ADPRHL1: variants seen among roughly 807,000 people sequenced by gnomAD.
The protein encoded by ADPRHL1 is inactive ADP-ribosyltransferase ARH2.
Under a neutral mutation model 44.1 loss-of-function variants are expected in ADPRHL1, and 43 were observed. The ratio of observed to expected loss-of-function variants is 0.98; its 90% confidence interval spans 0.76 to 1.26. The LOEUF (loss-of-function observed/expected upper bound fraction) is 1.26. ADPRHL1 is among the 50% of genes most tolerant of loss of function. The probability of loss-of-function intolerance (pLI) is 0.00; values close to 1 mark genes in which losing one functional copy is unlikely to be tolerated. For synonymous variants in ADPRHL1, 878 were observed against 1,017.4 expected, an observed-to-expected ratio of 0.86 and a Z score of 2.61; for missense variants, 2,022 against 2,496.9, an observed-to-expected ratio of 0.81 and a Z score of 4.05.
chr13:113,409,696 A>T lies in ADPRHL1; in HGVS notation c.1062-1476T>A. On this transcript the variant is annotated intron_variant, in intron 7 of 7. Coordinates refer to ENST00000612156, the MANE Select transcript of ADPRHL1 (RefSeq NM_001394807.1). This position sits in a 1 kb window ranked among gnomAD's most constrained non-coding sequence, Gnocchi z 4.2. ...GGTCAGGAGATCGAGACCATCCTGG[A>T]TAACACGGTGAAACCCCGTCTCTAC... is the stretch of plus-strand genomic sequence containing the variant. The T allele has an allele frequency of 9.9e-6, 8 of 807,258 alleles. No homozygotes were observed. Among genetic ancestry groups the T allele is most frequent in the Non-Finnish European group, 1.2e-5 (8 of 667,600 alleles). 50.0% of individuals were successfully genotyped at this position (807,258 alleles called of 1,614,324 possible). A position where few individuals can be genotyped will look rare whatever the true frequency, so the allele number is the denominator to read the frequency against.
At chr13:113,438,323 T>C (rs962670267) in intron 2 of ADPRHL1, among the ~76,000 whole-genome samples, 1 of 152,204 alleles carries the variant, frequency 6.6e-6, no homozygotes, top group African/African-American at 2.4e-5. Context: ...TGACGGAAGA[T>C]GGTGAGCATG....
chr13:113,432,547 G>C (rs1376978173), intron 3 of ADPRHL1, among the ~76,000 whole-genome samples: 1 of 152,202 alleles, frequency 6.6e-6, no homozygotes, highest in Non-Finnish European at 1.5e-5. Flanking sequence ...GTTGGGTCAC[G>C]TGCCTTCCCT....
chr13:113,445,197 C>T (rs1282448578), intron 1 of ADPRHL1, among the ~76,000 whole-genome samples: 1 of 152,268 alleles, frequency 6.6e-6, no homozygotes, highest in Non-Finnish European at 1.5e-5. Flanking sequence ...GACACCAGCC[C>T]TATGCCCAGC....
Position 113,444,430 on chromosome 13 carries a change from T to G in ADPRHL1, c.374A>C (p.Glu125Ala). 1 of 1,613,778 alleles carries G rather than the reference T, an allele frequency of 6.2e-7. No homozygotes were observed. Residue 125 changes from glutamate (E) to alanine (A), a missense_variant, in exon 2 of 8, where the codon GAA (glutamate) becomes GCA (alanine). This residue lies in a region of ADPRHL1 where 437 missense variants were observed against 430.7 expected (regional missense o/e 1.01). Transcript: ENST00000612156. ...YLLAWHTPFN[E>A]KGSGFGAATK... Reference sequence around the variant, plus strand: ...GAGGAGAGGATTTCCCTGACCTTTTTCATTGAACGGTGTGTGCCAGGCGAG... The same window carrying G: ...GAGGAGAGGATTTCCCTGACCTTTTGCATTGAACGGTGTGTGCCAGGCGAG...
chr13:113,403,578 C>A lies in ADPRHL1; in HGVS notation c.5704G>T (p.Ala1902Ser). The A allele has an allele frequency of 1.6e-6, 2 of 1,231,734 alleles. No individual in the cohort carries two copies. Among genetic ancestry groups the A allele is most frequent in the Non-Finnish European group, 2.0e-6 (2 of 987,950 alleles). 76.3% of individuals were successfully genotyped at this position (1,231,734 alleles called of 1,614,324 possible). The change falls in exon 8 of 8, where the codon GCC becomes TCC. Residue 1902 changes from alanine to serine, a missense_variant. Physicochemically the swap from Ala to Ser is moderately conservative, Grantham distance 99. Coordinates refer to ENST00000612156, the MANE Select transcript of ADPRHL1 (RefSeq NM_001394807.1). ...AGGCGTPQAP[A>S]QEGSPDHPGA... ...GGGTGGTCTGGGGACCCCTCCTGGG[C>A]CGGGGCCTGGGGAGTCCCGCAGCCC...
At chr13:113,450,992 T>C (rs2044175336) in intron 1 of ADPRHL1, among the ~76,000 whole-genome samples, 1 of 148,798 alleles carries the variant, frequency 6.7e-6, no homozygotes, top group South Asian at 2.3e-4. Flanking sequence ...GCAGGTGTTG[T>C]TCCTTGCCAC....
In ADPRHL1 at chr13:113,447,195, C is replaced by T. The variant is rs571208112; in HGVS notation, c.215-2606G>A. On this transcript the variant is annotated intron_variant, in intron 1 of 7. Transcript: ENST00000612156. ...TGTGTGTGCATGGCGTCTACACGCACGGTGTTGTGTGTGCATGGCGTCTAC... is the reference window on the plus strand; with the variant it reads ...TGTGTGTGCATGGCGTCTACACGCATGGTGTTGTGTGTGCATGGCGTCTAC... Among the ~76,000 whole-genome samples the T allele has an allele frequency of 2.2e-4, 28 of 129,764 alleles. No individual in the cohort carries two copies. In the East Asian group the frequency reaches 2.4e-3, roughly 11 times the overall value. The allele number at this position is 129,764 out of a possible 152,430, so 85.1% of individuals were successfully genotyped here. A position where few individuals can be genotyped will look rare whatever the true frequency, so the allele number is the denominator to read the frequency against.
intron 3 of ADPRHL1, among the ~76,000 whole-genome samples, chr13:113,432,137 T>C (rs76624100): frequency 6.6e-6 from 1 of 150,710 alleles, no homozygotes; most frequent in Non-Finnish European, 1.5e-5. Context: ...TTTTTTTTTG[T>C]TTTTGAGATA....
At position 113,453,218 on chromosome 13, in the gene ADPRHL1, GCCTA is replaced by G; in HGVS notation, c.214+2_214+5del. 6.2e-7 allele frequency: 1 copy of G among 1,614,020 alleles called. No individual in the cohort carries two copies. Reference sequence around the variant, plus strand: ...CGCACACCGGAGCGCGGTGGGCCCAGCCTACCTGTGGTGAGGGCCTCGGCGGTTG... The same window carrying G: ...CGCACACCGGAGCGCGGTGGGCCCAGCCTGTGGTGAGGGCCTCGGCGGTTG... On this transcript the variant is annotated splice_donor_variant and splice_donor_5th_base_variant and intron_variant, in intron 1 of 7. Transcript: ENST00000612156. LOFTEE classifies it high-confidence loss of function. This position sits in a 1 kb window ranked among gnomAD's most constrained non-coding sequence, Gnocchi z 5.4.
chr13:113,422,155 C>G (rs2043928777), intron 7 of ADPRHL1: 1 of 152,264 alleles, frequency 6.6e-6, no homozygotes, highest in African/African-American at 2.4e-5. Flanking sequence ...CTAAGGCAGA[C>G]CACAGAGAGA....
At chr13:113,413,241 C>T (rs1485014187) in intron 7 of ADPRHL1, among the ~76,000 whole-genome samples, 2 of 152,246 alleles carry the variant, frequency 1.3e-5, no homozygotes, top group African/African-American at 4.8e-5. Flanking sequence ...AGCCTCCACC[C>T]TGTTTGTCCA....
chr13:113,418,337 G>A (rs534645101), intron 7 of ADPRHL1, among the ~76,000 whole-genome samples: 1 of 152,300 alleles, frequency 6.6e-6, no homozygotes, highest in East Asian at 1.9e-4. Context: ...TCGGTCTGAC[G>A]GGGGCTGGGC....
rs557256109 is a variant in ADPRHL1 at position 113,404,481 on chromosome 13, G to C, written c.4801C>G (p.Gln1601Glu). Reference sequence around the variant, plus strand: ...TGGGCCCATTTCTGAACCTCTCCTTGAACCTGTTTCTGGGCCTGTCCCTGA... The same window carrying C: ...TGGGCCCATTTCTGAACCTCTCCTTCAACCTGTTTCTGGGCCTGTCCCTGA... The part of the protein sequence containing the change: ...QIQGQAQKQV[Q>E]GEVQKWAQEE... The change falls in exon 8 of 8, where the codon CAA (glutamine) becomes GAA (glutamate). Residue 1601 changes from glutamine (Q) to glutamate (E), a missense_variant. Gln to Glu is a conservative substitution (Grantham distance 29). Around this residue, in one of 8 missense-constraint regions of ADPRHL1, gnomAD observed 78 missense variants for 76.5 expected, o/e 1.02. Coordinates refer to ENST00000612156, the MANE Select transcript of ADPRHL1 (RefSeq NM_001394807.1). 1 of 1,311,770 alleles carries C rather than the reference G, an allele frequency of 7.6e-7. No individual in the cohort carries two copies. Among genetic ancestry groups the C allele is most frequent in the African/African-American group, 1.5e-5 (1 of 65,192 alleles). The allele number at this position is 1,311,770 out of a possible 1,614,324, so 81.3% of individuals were successfully genotyped here. A position where few individuals can be genotyped will look rare whatever the true frequency, so the allele number is the denominator to read the frequency against.
chr13:113,453,425 T>G lies in ADPRHL1; in HGVS notation c.13A>C (p.Lys5Gln). 1.2e-6 allele frequency: 2 copies of G among 1,614,120 alleles called. No individual in the cohort carries two copies. Among genetic ancestry groups the G allele is most frequent in the Non-Finnish European group, 1.7e-6 (2 of 1,180,022 alleles). ...ACGCTCCCCAGCAACATCGCAGCCT[T>G]AAATTTCTCCATCCCAGGAGGCAGC... MEKF[K>Q]AAMLLGSVGD... Residue 5 changes from lysine (K) to glutamine (Q), a missense_variant, in exon 1 of 8, where the codon AAG becomes CAG. By Grantham distance (53) the Lys-to-Gln change is moderately conservative. Around this residue, in one of 8 missense-constraint regions of ADPRHL1, gnomAD observed 437 missense variants for 430.7 expected, o/e 1.01. Coordinates refer to ENST00000612156, the MANE Select transcript of ADPRHL1 (RefSeq NM_001394807.1). The surrounding 1 kb of genome is among the most constrained non-coding windows in gnomAD (Gnocchi z 5.4).
chr13:113,434,107 G>A (rs1166991426), intron 2 of ADPRHL1, among the ~76,000 whole-genome samples: 1 of 152,196 alleles, frequency 6.6e-6, no homozygotes, highest in Non-Finnish European at 1.5e-5. Flanking sequence ...ACGTTTGATG[G>A]CCTGGAGATA....
chr13:113,428,926 G>T (rs372913606), intron 4 of ADPRHL1, 26 bp downstream of exon 4: 6 of 1,611,256 alleles, frequency 3.7e-6, no homozygotes, highest in Non-Finnish European at 8.5e-7. Flanking sequence ...CTCTGAGTGC[G>T]GACTGGGGCC....
chr13:113,407,068 G>T lies in ADPRHL1; in HGVS notation c.2214C>A (p.Ala738=), dbSNP rs755740187. 4.1e-6 allele frequency: 5 copies of T among 1,232,256 alleles called. No homozygotes were observed. The highest frequency in any genetic ancestry group is 4.0e-6 in the Non-Finnish European group (4 of 988,092). 76.3% of individuals were successfully genotyped at this position (1,232,256 alleles called of 1,614,324 possible). A position where few individuals can be genotyped will look rare whatever the true frequency, so the allele number is the denominator to read the frequency against. ...GPASPWGTGS[A]GGDGTADPTA... is the part of the protein sequence containing the mutation. ...TGGGGTCTGCAGTCCCATCACCTCC[G>T]GCTGATCCGGTGCCCCAAGGGCTGG... The change falls in exon 8 of 8, where the codon GCC becomes GCA. Residue 738 remains alanine (A), a synonymous_variant. Transcript: ENST00000612156.
Position 113,453,219 on chromosome 13 carries a change from C to A in ADPRHL1, c.214+5G>T. Reference sequence around the variant, plus strand: ...GCACACCGGAGCGCGGTGGGCCCAGCCTACCTGTGGTGAGGGCCTCGGCGG... The same window carrying A: ...GCACACCGGAGCGCGGTGGGCCCAGACTACCTGTGGTGAGGGCCTCGGCGG... On this transcript the variant is annotated splice_donor_5th_base_variant and intron_variant, in intron 1 of 7. Coordinates refer to ENST00000612156, the MANE Select transcript of ADPRHL1 (RefSeq NM_001394807.1). This position sits in a 1 kb window ranked among gnomAD's most constrained non-coding sequence, Gnocchi z 5.4. 1.2e-6 allele frequency: 2 copies of A among 1,614,038 alleles called. No homozygotes were observed. The highest frequency in any genetic ancestry group is 1.7e-6 in the Non-Finnish European group (2 of 1,180,030).
Position 113,400,257 on chromosome 13 carries a change from T to C in ADPRHL1, c.*3121A>G, listed in dbSNP as rs2043748742. 6.7e-6 allele frequency: 1 copy of C among 148,868 alleles called. No individual in the cohort carries two copies. Among genetic ancestry groups the C allele is most frequent in the South Asian group, 2.2e-4 (1 of 4,626 alleles). 9.2% of individuals were successfully genotyped at this position (148,868 alleles called of 1,614,324 possible). A position where few individuals can be genotyped will look rare whatever the true frequency, so the allele number is the denominator to read the frequency against. On this transcript the variant is annotated 3_prime_UTR_variant, in exon 8 of 8. Transcript: ENST00000612156. ...ACCTCCCGGGTTCACGCCATTCTCC[T>C]GTCTCAGGCTCCCGAGTAGCTGGGA...
Sources: allele counts gnomAD v4.1 joint callset (sites outside exome capture counted in the v4.1 genomes callset), GRCh38; gene constraint gnomAD v4.1.1; regional missense constraint gnomAD v4.1.1; non-coding constraint Gnocchi (gnomAD v3.1); transcripts MANE v1.5; gene names NCBI Gene and HGNC (gene_info 2026-07-23, HGNC 2026-07-21).